DCC: variants seen among roughly 807,000 people sequenced by gnomAD.
DCC encodes netrin receptor DCC.
In DCC, 58 loss-of-function variants were observed where a neutral mutation model predicts 172.5. That is an observed-to-expected ratio of 0.34 (90% CI 0.27 to 0.42). The LOEUF (loss-of-function observed/expected upper bound fraction) is 0.42. Among genes scored for constraint, DCC ranks in the 10% least tolerant of loss-of-function variants. The pLI is 1.00. For missense variants in DCC, 1,740 were observed against 1,791.0 expected (o/e 0.97, Z 0.51); for synonymous variants, 709 against 644.5 (o/e 1.10, Z -1.52).
chr18:53,391,613 G>T, intron 16 of DCC, 42 bp from the exon 17 acceptor site: 1 of 1,246,258 alleles, frequency 8.0e-7, no homozygotes, highest in Non-Finnish European at 1.2e-6. Context: ...TTTTATTTAC[G>T]TATTTATTTG....
rs139715693 is a variant in DCC at position 52,697,817 on chromosome 18, C to T, written c.92-54237C>T. Among the ~76,000 whole-genome samples the T allele has an allele frequency of 5.3e-3, 812 of 152,198 alleles. 1 individual carries two copies. Among genetic ancestry groups the T allele is most frequent in the Middle Eastern group, 0.01 (3 of 294 alleles). ...TCCATTGTAGAACAGCTGTTTAAGC[C>T]TTCTGGAAGACGTTTTTGGAAATAT... On this transcript the variant is annotated intron_variant, in intron 1 of 28. Coordinates refer to ENST00000442544, the MANE Select transcript of DCC (RefSeq NM_005215.4).
At chr18:53,456,962 G>A (rs1313973904) in intron 23 of DCC, among the ~76,000 whole-genome samples, 1 of 152,180 alleles carries the variant, frequency 6.6e-6, no homozygotes, top group African/African-American at 2.4e-5. Context: ...GACAAAAGAA[G>A]GAGAGGCTCT....
intron 8 of DCC, among the ~76,000 whole-genome samples, chr18:53,167,439 GATA>G (rs2054938716): frequency 6.6e-6 from 1 of 152,112 alleles, no homozygotes; most frequent in Admixed American, 6.6e-5. Flanking sequence ...CTCCATTACG[GATA>G]ATGAAATCAA....
chr18:52,963,053 T>TA (rs1400179702), intron 5 of DCC, among the ~76,000 whole-genome samples: 1 of 151,440 alleles, frequency 6.6e-6, no homozygotes, highest in Non-Finnish European at 1.5e-5. Context: ...CATGTATACA[T>TA]ATGTAACCTG....
At chr18:53,385,021 C>CTTTTT (rs35779527) in intron 15 of DCC, among the ~76,000 whole-genome samples, 1 of 131,044 alleles carries the variant, frequency 7.6e-6, no homozygotes. Context: ...TAATTTTTTT[C>CTTTTT]TTTTTTTTTT....
chr18:53,196,492 C>G (rs929173369), intron 9 of DCC, among the ~76,000 whole-genome samples: 2 of 152,028 alleles, frequency 1.3e-5, no homozygotes, highest in Non-Finnish European at 1.5e-5. Flanking sequence ...TCTTGTAATC[C>G]CTTTATTATC....
At chr18:52,861,564 A>C (rs954842045) in intron 2 of DCC, among the ~76,000 whole-genome samples, 1 of 152,238 alleles carries the variant, frequency 6.6e-6, no homozygotes, top group African/African-American at 2.4e-5. Context: ...TGCCCACAAG[A>C]GTATAGAGCA....
At chr18:52,673,304 G>T (rs995088901) in intron 1 of DCC, among the ~76,000 whole-genome samples, 1 of 152,024 alleles carries the variant, frequency 6.6e-6, no homozygotes, top group African/African-American at 2.4e-5. Flanking sequence ...ATTTCATTTA[G>T]TTGTCATGTT....
At position 52,560,175 on chromosome 18, in the gene DCC, G is replaced by A. The variant is rs77633875; in HGVS notation, c.92-191879G>A. On this transcript the variant is annotated intron_variant, in intron 1 of 28. Transcript: ENST00000442544. ...ATTGTATATATTTCTGGCTGTGGGCGCATGATCTCTGTTGCAACTACTCAG... is the reference window on the plus strand; with the variant it reads ...ATTGTATATATTTCTGGCTGTGGGCACATGATCTCTGTTGCAACTACTCAG... Among the ~76,000 whole-genome samples the A allele has an allele frequency of 3.8e-3, 577 of 152,240 alleles. 6 individuals are homozygous for A. The highest frequency in any genetic ancestry group is 0.013 in the African/African-American group (545 of 41,552).
intron 7 of DCC, among the ~76,000 whole-genome samples, chr18:53,085,386 T>C (rs1180629706): frequency 6.6e-6 from 1 of 152,074 alleles, no homozygotes; most frequent in Non-Finnish European, 1.5e-5. Context: ...CTTTACCAGT[T>C]CCTTAGCACA....
intron 1 of DCC, among the ~76,000 whole-genome samples, chr18:52,624,373 C>T (rs984262535): frequency 4.6e-5 from 7 of 152,170 alleles, no homozygotes; most frequent in African/African-American, 1.7e-4. Flanking sequence ...TGGAAAGACT[C>T]ATTACCTTCT....
At chr18:53,130,339 C>G (rs1005173297) in intron 7 of DCC, among the ~76,000 whole-genome samples, 1 of 152,122 alleles carries the variant, frequency 6.6e-6, no homozygotes. Flanking sequence ...AACACATCCT[C>G]TTATCTTTCA....
intron 8 of DCC, among the ~76,000 whole-genome samples, chr18:53,176,821 A>G (rs1340358746): frequency 1.8e-4 from 28 of 151,856 alleles, no homozygotes; most frequent in Admixed American, 1.1e-3. Context: ...CAGCCATCCC[A>G]TTACTGGGTA....
At position 53,349,975 on chromosome 18, in the gene DCC, G is replaced by A. The variant is rs540904647; in HGVS notation, c.2359+10068G>A. Among the ~76,000 whole-genome samples, 43 of 152,156 alleles carry A rather than the reference G, an allele frequency of 2.8e-4. 1 individual carries two copies. In the South Asian group the frequency reaches 8.9e-3, roughly 32 times the overall value. On this transcript the variant is annotated intron_variant, in intron 15 of 28. Coordinates refer to ENST00000442544, the MANE Select transcript of DCC (RefSeq NM_005215.4). ...ATTTTAAAAAACTGAATTTGGCTTA[G>A]GCAGTTAAATAATCATTTTATAAAG...
At chr18:52,450,351 A>T (rs943263546) in intron 1 of DCC, among the ~76,000 whole-genome samples, 4 of 152,202 alleles carry the variant, frequency 2.6e-5, no homozygotes, top group Admixed American at 1.3e-4. Context: ...TTTCCAGTTT[A>T]TTCAGTAAAT....
intron 5 of DCC, among the ~76,000 whole-genome samples, chr18:52,975,031 A>G (rs1217540221): frequency 6.6e-6 from 1 of 152,180 alleles, no homozygotes; most frequent in Non-Finnish European, 1.5e-5. Context: ...CAGAGGACGG[A>G]CCTTGTTTCT....
chr18:52,861,506 C>A (rs984562504), intron 2 of DCC, among the ~76,000 whole-genome samples: 7 of 152,092 alleles, frequency 4.6e-5, no homozygotes, highest in African/African-American at 1.7e-4. Flanking sequence ...TGAATAGTTT[C>A]CAAATTTTGG....
intron 5 of DCC, among the ~76,000 whole-genome samples, chr18:53,043,606 T>C (rs1329141539): frequency 6.6e-6 from 1 of 151,846 alleles, no homozygotes; most frequent in Non-Finnish European, 1.5e-5. Context: ...GGCCAAGAAC[T>C]TCAGATCACT....
chr18:52,354,906 G>A (rs1041506435), intron 1 of DCC, among the ~76,000 whole-genome samples: 2 of 152,058 alleles, frequency 1.3e-5, no homozygotes, highest in African/African-American at 4.8e-5. Context: ...GCATTTCAGA[G>A]TGCTTGTGAG....
Sources: gnomAD v4.1 joint callset for allele counts (sites outside exome capture counted in the v4.1 genomes callset) on GRCh38, gnomAD v4.1.1 for gene constraint, MANE v1.5 for transcripts, NCBI Gene and HGNC (gene_info 2026-07-23, HGNC 2026-07-21) for gene names.